Variants in TMEM156 observed in about 807,000 individuals in gnomAD.
The protein encoded by TMEM156 is transmembrane protein 156.
A neutral mutation model predicts 30.5 loss-of-function variants in TMEM156; 28 were observed. That is an observed-to-expected ratio of 0.92 (90% CI 0.68 to 1.26). TMEM156 has a LOEUF of 1.26. Among genes scored for constraint, TMEM156 ranks in the 50% most tolerant of loss-of-function variants. The probability of loss-of-function intolerance (pLI) is 0.00; values close to 1 mark genes in which losing one functional copy is unlikely to be tolerated. For missense variants in TMEM156, 351 were observed against 340.6 expected (o/e 1.03, Z -0.24); for synonymous variants, 137 against 119.9 (o/e 1.14, Z -0.93).
chr4:39,025,560 T>C (rs1227202015), intron 1 of TMEM156, among the ~76,000 whole-genome samples: 1 of 152,108 alleles, frequency 6.6e-6, no homozygotes, highest in East Asian at 1.9e-4. Flanking sequence ...GATTTATTCA[T>C]AGGATATTTG....
intron 1 of TMEM156, among the ~76,000 whole-genome samples, chr4:39,022,229 C>T (rs1331843960): frequency 2.6e-5 from 4 of 152,188 alleles, no homozygotes; most frequent in African/African-American, 9.7e-5. Context: ...TGTTTATAAA[C>T]TCTCAAAGGA....
intron 1 of TMEM156, among the ~76,000 whole-genome samples, chr4:39,011,447 C>T (rs1714112683): frequency 6.7e-6 from 1 of 150,066 alleles, no homozygotes; most frequent in South Asian, 2.1e-4. Context: ...CACCTGCACT[C>T]ATACGTTTAT....
intron 3 of TMEM156, among the ~76,000 whole-genome samples, chr4:38,992,156 TG>T (rs1712511108): frequency 2.6e-5 from 4 of 152,214 alleles, no homozygotes; most frequent in African/African-American, 7.2e-5. Flanking sequence ...AAAAGCAATC[TG>T]AAAGGCTTCC....
chr4:38,999,949 A>G (rs762385766), intron 1 of TMEM156, among the ~76,000 whole-genome samples: 1 of 152,210 alleles, frequency 6.6e-6, no homozygotes, highest in African/African-American at 2.4e-5. Context: ...TTAGCACCAG[A>G]TATCTTTAGA....
intron 1 of TMEM156, among the ~76,000 whole-genome samples, chr4:39,019,779 C>T (rs1249281224): frequency 2.0e-5 from 3 of 152,122 alleles, no homozygotes; most frequent in African/African-American, 4.8e-5. Context: ...ACATATCCAT[C>T]ACTCACATAC....
chr4:39,015,206 G>T (rs900630147), intron 1 of TMEM156, among the ~76,000 whole-genome samples: 4 of 151,804 alleles, frequency 2.6e-5, no homozygotes, highest in Admixed American at 6.6e-5. Flanking sequence ...TTCAGTTTTG[G>T]CAGGCAGAAT....
At chr4:38,985,744 T>A (rs1189224169) in intron 5 of TMEM156, among the ~76,000 whole-genome samples, 2 of 152,168 alleles carry the variant, frequency 1.3e-5, no homozygotes, top group South Asian at 4.1e-4. Context: ...CATGTCACAT[T>A]CTCTCTCTTT....
rs745850147 is a variant in TMEM156 at position 38,998,719 on chromosome 4, TTC to T, written c.277_278del (p.Glu93IlefsTer2). 6.2e-7 allele frequency: 1 copy of T among 1,613,948 alleles called. No individual in the cohort carries two copies. The highest frequency in any genetic ancestry group is 1.7e-5 in the Admixed American group (1 of 59,988). ...CCAAACACGAGGAGCACATTTTAAA[TTC>T]ACCTGTGATGTCTTGGCAAGTCCTG... is the stretch of plus-strand genomic sequence containing the variant. ...FTRTCQDITG[E>X]FKMCSSCLVC... On this transcript the variant is annotated frameshift_variant, in exon 2 of 7. Coordinates refer to ENST00000381938, the MANE Select transcript of TMEM156 (RefSeq NM_024943.3). LOFTEE classifies it high-confidence loss of function.
intron 1 of TMEM156, among the ~76,000 whole-genome samples, chr4:39,025,020 G>A (rs1374283910): frequency 6.6e-6 from 1 of 152,148 alleles, no homozygotes; most frequent in Non-Finnish European, 1.5e-5. Flanking sequence ...ATTAACATAT[G>A]ATGTTTTCCT....
intron 1 of TMEM156, among the ~76,000 whole-genome samples, chr4:39,015,832 G>A (rs574796783): frequency 2.6e-5 from 4 of 152,218 alleles, no homozygotes; most frequent in Non-Finnish European, 5.9e-5. Flanking sequence ...AGTCTCATGA[G>A]ATCTGATGGT....
chr4:38,986,853 G>GAAAAAAAAAAAAAAAAAAAA (rs1712036216), intron 4 of TMEM156, among the ~76,000 whole-genome samples: 1 of 84,070 alleles, frequency 1.2e-5, no homozygotes. Flanking sequence ...AAAAAAAAAG[G>GAAAAAAAAAAAAAAAAAAAA]AAAGCGACAG....
chr4:38,975,018 G>T (rs192720760), intron 5 of TMEM156, among the ~76,000 whole-genome samples: 1 of 152,168 alleles, frequency 6.6e-6, no homozygotes, highest in Non-Finnish European at 1.5e-5. Flanking sequence ...TAAGGGGCAG[G>T]AATAAATAGG....
intron 1 of TMEM156, among the ~76,000 whole-genome samples, chr4:39,015,896 C>T (rs1714448264): frequency 1.3e-5 from 2 of 152,146 alleles, no homozygotes; most frequent in African/African-American, 2.4e-5. Flanking sequence ...TTGCCTGCCA[C>T]CAAGTACAAA....
At chr4:38,972,939 T>A (rs541650794) in intron 5 of TMEM156, among the ~76,000 whole-genome samples, 292 of 152,336 alleles carry the variant, frequency 1.9e-3, no homozygotes, top group African/African-American at 6.7e-3. Flanking sequence ...ATAGTCAATT[T>A]GATGAGTCTC....
chr4:39,021,239 C>CA (rs1302870967), intron 1 of TMEM156, among the ~76,000 whole-genome samples: 2 of 150,724 alleles, frequency 1.3e-5, no homozygotes, highest in Non-Finnish European at 1.5e-5. Context: ...CCCGTCTCTA[C>CA]AAAAAAAATT....
At chr4:39,011,232 C>A (rs1270808450) in intron 1 of TMEM156, among the ~76,000 whole-genome samples, 1 of 152,066 alleles carries the variant, frequency 6.6e-6, no homozygotes, top group Non-Finnish European at 1.5e-5. Flanking sequence ...GTCAGAATGA[C>A]TATTATTTAA....
chr4:38,974,204 T>TCC (rs1339786102), intron 5 of TMEM156, among the ~76,000 whole-genome samples: 1 of 131,238 alleles, frequency 7.6e-6, no homozygotes. Context: ...TCTTTCTTTC[T>TCC]CTCTTTTTTT....
At chr4:38,970,160 G>A (rs1019531659) in intron 6 of TMEM156, among the ~76,000 whole-genome samples, 1 of 151,848 alleles carries the variant, frequency 6.6e-6, no homozygotes, top group Admixed American at 6.6e-5. Flanking sequence ...GTGTGTGTGT[G>A]TGTGTGTATA....
intron 1 of TMEM156, among the ~76,000 whole-genome samples, chr4:39,020,639 C>A (rs188524413): frequency 6.6e-6 from 1 of 152,190 alleles, no homozygotes; most frequent in Admixed American, 6.5e-5. Flanking sequence ...GCAACCTCCA[C>A]CTCCCGTTCG....
Sources: allele counts gnomAD v4.1 joint callset (sites outside exome capture counted in the v4.1 genomes callset), GRCh38; gene constraint gnomAD v4.1.1; transcripts MANE v1.5; gene names NCBI Gene and HGNC (gene_info 2026-07-23, HGNC 2026-07-21).